The following CHCHD6 variants were observed in gnomAD, a reference collection of about 807,000 sequenced individuals.
CHCHD6 encodes the protein MICOS complex subunit MIC25.
CHCHD6 carries 28 observed loss-of-function variants against 32.3 expected under a neutral mutation model. The ratio of observed to expected loss-of-function variants is 0.87; its 90% CI spans 0.64 to 1.19. CHCHD6 has a LOEUF of 1.19. CHCHD6 is among the 50% of genes most tolerant of loss of function. CHCHD6 has a pLI of 0.00. For missense variants in CHCHD6, 333 were observed against 307.0 expected (o/e 1.08, Z -0.63); for synonymous variants, 122 against 117.5 (o/e 1.04, Z -0.25).
chr3:126,933,302 C>T (rs2078432467), intron 6 of CHCHD6, among the ~76,000 whole-genome samples: 1 of 152,180 alleles, frequency 6.6e-6, no homozygotes, highest in African/African-American at 2.4e-5. Flanking sequence ...CCCTCATTTC[C>T]TACCATTTCC....
intron 4 of CHCHD6, among the ~76,000 whole-genome samples, chr3:126,813,351 C>T (rs1349420457): frequency 6.6e-6 from 1 of 152,060 alleles, no homozygotes; most frequent in East Asian, 1.9e-4. Context: ...AAATTATATT[C>T]CTGCTGTTGT....
intron 6 of CHCHD6, among the ~76,000 whole-genome samples, chr3:126,919,834 G>C (rs2078221435): frequency 6.6e-6 from 1 of 150,740 alleles, no homozygotes; most frequent in African/African-American, 2.4e-5. Context: ...CTGTTTTTAA[G>C]ATTTTCTGTC....
intron 4 of CHCHD6, among the ~76,000 whole-genome samples, chr3:126,831,133 C>T (rs1321579545): frequency 6.6e-5 from 10 of 152,100 alleles, no homozygotes; most frequent in African/African-American, 2.4e-4. Context: ...ACGCCATTCT[C>T]CTGCCTCAGC....
chr3:126,708,930 ATCCATGGGTCGTTGGTTCCAG>A (rs1934628684), intron 1 of CHCHD6, among the ~76,000 whole-genome samples: 1 of 152,176 alleles, frequency 6.6e-6, no homozygotes, highest in Non-Finnish European at 1.5e-5. Context: ...TCAATGACCT[ATCCATGGGTCGTTGGTTCCAG>A]GACCCCCATG....
chr3:126,949,428 G>C, intron 6 of CHCHD6: 2 of 233,578 alleles, frequency 8.6e-6, no homozygotes, highest in South Asian at 9.0e-5. Flanking sequence ...GTGGACGGAA[G>C]GGAAGGCTGC....
chr3:126,716,505 G>GA (rs1559800822), intron 1 of CHCHD6, among the ~76,000 whole-genome samples: 2 of 151,944 alleles, frequency 1.3e-5, no homozygotes, highest in South Asian at 4.2e-4. Context: ...CACCCTGCTT[G>GA]ACCATGAGCT....
At chr3:126,877,480 G>A (rs927710174) in intron 5 of CHCHD6, among the ~76,000 whole-genome samples, 1 of 151,932 alleles carries the variant, frequency 6.6e-6, no homozygotes, top group Non-Finnish European at 1.5e-5. Context: ...GCCTGAACCC[G>A]GGAGGCGGAG....
At position 126,879,379 on chromosome 3, in the gene CHCHD6, A is replaced by G. The variant is rs142764917; in HGVS notation, c.495+26649A>G. 8.4e-3 allele frequency among the ~76,000 whole-genome samples: 1,285 copies of G among 152,336 alleles called. 12 individuals are homozygous for G. Among genetic ancestry groups the G allele is most frequent in the African/African-American group, 0.022 (927 of 41,578 alleles). ...ATAATGGAGCAGTCTAGTGGTCACC[A>G]TCTTAATTTCCTATTACCAGTCATG... On this transcript the variant is annotated intron_variant, in intron 5 of 7. Transcript: ENST00000290913.
At chr3:126,872,484 C>G (rs1037290250) in intron 5 of CHCHD6, among the ~76,000 whole-genome samples, 1 of 152,150 alleles carries the variant, frequency 6.6e-6, no homozygotes. Flanking sequence ...AGTCTAGGCT[C>G]GGGCTCAAGA....
At chr3:126,816,560 G>A (rs1419173636) in intron 4 of CHCHD6, among the ~76,000 whole-genome samples, 4 of 152,136 alleles carry the variant, frequency 2.6e-5, no homozygotes, top group South Asian at 2.1e-4. Flanking sequence ...GTATGGGCCC[G>A]AGGGACTACA....
intron 4 of CHCHD6, among the ~76,000 whole-genome samples, chr3:126,774,154 G>A (rs116696245): frequency 2.6e-5 from 4 of 152,008 alleles, no homozygotes; most frequent in Admixed American, 2.6e-4. Context: ...ACTTATTGAG[G>A]TTTAATGTAT....
intron 6 of CHCHD6, among the ~76,000 whole-genome samples, chr3:126,936,919 CTGT>C (rs1173959867): frequency 2.0e-4 from 30 of 152,170 alleles, no homozygotes; most frequent in African/African-American, 7.0e-4. Flanking sequence ...CAGTCTTTTT[CTGT>C]TGGACAGAAC....
chr3:126,858,099 C>T (rs1314191921), intron 5 of CHCHD6, among the ~76,000 whole-genome samples: 3 of 152,144 alleles, frequency 2.0e-5, no homozygotes, highest in Non-Finnish European at 4.4e-5. Flanking sequence ...GAAAGTGAGC[C>T]GTCCACAGCT....
At chr3:126,757,070 T>A (rs913681016) in intron 4 of CHCHD6, among the ~76,000 whole-genome samples, 1 of 152,220 alleles carries the variant, frequency 6.6e-6, no homozygotes, top group Admixed American at 6.5e-5. Flanking sequence ...TTTGTTTTTC[T>A]TGATAAAATC....
chr3:126,825,376 C>G (rs527437872), intron 4 of CHCHD6, among the ~76,000 whole-genome samples: 1 of 151,996 alleles, frequency 6.6e-6, no homozygotes, highest in African/African-American at 2.4e-5. Flanking sequence ...TTGAAAGTAA[C>G]GTGATTTTGT....
intron 4 of CHCHD6, among the ~76,000 whole-genome samples, chr3:126,850,974 A>G (rs1941453977): frequency 6.6e-6 from 1 of 152,150 alleles, no homozygotes; most frequent in Non-Finnish European, 1.5e-5. Context: ...CCTTCCTGGC[A>G]TTTTTAGATC....
chr3:126,762,396 A>G (rs931775718), intron 4 of CHCHD6, among the ~76,000 whole-genome samples: 1 of 151,960 alleles, frequency 6.6e-6, no homozygotes, highest in East Asian at 1.9e-4. Context: ...TTCTTCTTTG[A>G]TAAATTGGTT....
At chr3:126,955,439 A>G (rs1423488415) in intron 6 of CHCHD6, among the ~76,000 whole-genome samples, 1 of 152,218 alleles carries the variant, frequency 6.6e-6, no homozygotes. Context: ...TGGTGCATGC[A>G]ATGCAGACTT....
At chr3:126,865,433 A>G (rs1336591258) in intron 5 of CHCHD6, 1 of 313,112 alleles carries the variant, frequency 3.2e-6, no homozygotes, top group Non-Finnish European at 4.6e-6. Context: ...TGCCACCTCT[A>G]CCCTCCACCA....
Sources: allele counts gnomAD v4.1 joint callset (sites outside exome capture counted in the v4.1 genomes callset), GRCh38; gene constraint gnomAD v4.1.1; transcripts MANE v1.5; gene names NCBI Gene and HGNC (gene_info 2026-07-23, HGNC 2026-07-21).